Variants in TGM6 observed in about 807,000 individuals in gnomAD.
The protein encoded by TGM6 is transglutaminase 6, also known as protein-glutamine gamma-glutamyltransferase 6.
A neutral mutation model predicts 77.5 loss-of-function variants in TGM6; 74 were observed. The observed-to-expected ratio is 0.96, with a 90% CI of 0.79 to 1.16. The LOEUF (loss-of-function observed/expected upper bound fraction) is 1.16. TGM6 is among the 50% of genes most tolerant of loss of function. TGM6 has a pLI of 0.00. For synonymous variants in TGM6, 383 were observed against 378.9 expected (o/e 1.01, Z -0.12); for missense variants, 968 against 940.2 (o/e 1.03, Z -0.39).
At chr20:2,383,682 G>A (rs2084571312) in intron 1 of TGM6, among the ~76,000 whole-genome samples, 1 of 152,194 alleles carries the variant, frequency 6.6e-6, no homozygotes, top group Non-Finnish European at 1.5e-5. Context: ...CTCTGAAGCT[G>A]TTGGGGCCAT....
At chr20:2,398,508 G>T (rs1204796549) in intron 5 of TGM6, among the ~76,000 whole-genome samples, 1 of 150,696 alleles carries the variant, frequency 6.6e-6, no homozygotes, top group African/African-American at 2.4e-5. Context: ...ACCTTTCCAT[G>T]TGGCTAGCTT....
At chr20:2,407,035 A>T (rs1437672829) in intron 9 of TGM6, among the ~76,000 whole-genome samples, 2 of 152,022 alleles carry the variant, frequency 1.3e-5, no homozygotes, top group Non-Finnish European at 2.9e-5. Flanking sequence ...CACTAGTACA[A>T]AGTTTATTTT....
At chr20:2,395,947 A>G (rs949510506) in intron 3 of TGM6, among the ~76,000 whole-genome samples, 2 of 152,110 alleles carry the variant, frequency 1.3e-5, no homozygotes, top group African/African-American at 2.4e-5. Context: ...TTGGGATGCC[A>G]AGGCAGGGGG....
Position 2,413,637 on chromosome 20 carries a change from A to G in TGM6, c.1337-3595A>G, listed in dbSNP as rs368423358. Among the ~76,000 whole-genome samples the G allele has an allele frequency of 3.3e-5, 5 of 152,324 alleles. No homozygotes were observed. In the South Asian group the frequency reaches 6.2e-4, roughly 19 times the overall value. ...TGTTGGGACCACTGTACATCCCCAC[A>G]TGCAAAAGAATGAAGTTGTTATACC... On this transcript the variant is annotated intron_variant, in intron 9 of 12. Coordinates refer to ENST00000202625, the MANE Select transcript of TGM6 (RefSeq NM_198994.3).
At chr20:2,407,328 C>A (rs1324740713) in intron 9 of TGM6, among the ~76,000 whole-genome samples, 1 of 152,110 alleles carries the variant, frequency 6.6e-6, no homozygotes, top group Admixed American at 6.5e-5. Context: ...ATTTTAAAAT[C>A]ATTTTATGAG....
intron 9 of TGM6, among the ~76,000 whole-genome samples, chr20:2,408,419 T>G (rs2084765638): frequency 6.6e-6 from 1 of 152,216 alleles, no homozygotes; most frequent in South Asian, 2.1e-4. Flanking sequence ...GACTTCCTTC[T>G]AAGCACATAT....
intron 10 of TGM6, among the ~76,000 whole-genome samples, chr20:2,429,759 C>A (rs1325843274): frequency 2.0e-5 from 3 of 151,138 alleles, no homozygotes; most frequent in Admixed American, 1.3e-4. Context: ...CAGAGCGAGA[C>A]TCCGTCTCCA....
intron 9 of TGM6, among the ~76,000 whole-genome samples, chr20:2,406,492 CAA>C (rs10626077): frequency 1.8e-4 from 23 of 131,002 alleles, no homozygotes; most frequent in South Asian, 2.5e-4. Context: ...GACCCTGTCT[CAA>C]AAAAAAAAAA....
intron 11 of TGM6, 60 bp from the exon 12 acceptor site, chr20:2,430,834 A>T (rs2084919020): frequency 1.2e-6 from 2 of 1,613,716 alleles, no homozygotes; most frequent in Non-Finnish European, 1.7e-6. Context: ...AGCCAGGACC[A>T]TCGGTTTCCT....
chr20:2,424,969 T>A (rs950247792), intron 10 of TGM6, among the ~76,000 whole-genome samples: 1 of 152,180 alleles, frequency 6.6e-6, no homozygotes, highest in Non-Finnish European at 1.5e-5. Context: ...TGACATTTTT[T>A]AATTAAGTTC....
rs1177911313 is a variant in TGM6 at position 2,399,807 on chromosome 20, A to G, written c.850+69A>G. ...TTCCTCTATCTAAATGTATTTACATATATTTGCATATGCTGCAACCCATCT... is the reference window on the plus strand; with the variant it reads ...TTCCTCTATCTAAATGTATTTACATGTATTTGCATATGCTGCAACCCATCT... On this transcript the variant is annotated intron_variant, in intron 6 of 12. Transcript: ENST00000202625. The G allele has an allele frequency of 1.0e-5, 14 of 1,359,430 alleles. No homozygotes were observed. The Admixed American group carries it at 2.8e-4, about 27-fold the overall frequency. The allele number at this position is 1,359,430 out of a possible 1,614,324, so 84.2% of individuals were successfully genotyped here.
chr20:2,413,019 G>A (rs1343907714), intron 9 of TGM6, among the ~76,000 whole-genome samples: 3 of 152,058 alleles, frequency 2.0e-5, no homozygotes, highest in Non-Finnish European at 4.4e-5. Context: ...CCCCAAATTA[G>A]CAACCTGATC....
At chr20:2,395,861 G>A (rs1172567504) in intron 3 of TGM6, among the ~76,000 whole-genome samples, 1 of 152,200 alleles carries the variant, frequency 6.6e-6, no homozygotes, top group East Asian at 1.9e-4. Flanking sequence ...AGTAAGGGGT[G>A]GCCAGGATCA....
At chr20:2,429,618 A>C (rs970017686) in intron 10 of TGM6, among the ~76,000 whole-genome samples, 1 of 152,030 alleles carries the variant, frequency 6.6e-6, no homozygotes, top group Admixed American at 6.5e-5. Flanking sequence ...AGAATACAAA[A>C]ATTAGCTGGG....
In TGM6 at chr20:2,431,029, T is replaced by C. The variant is rs768139721; in HGVS notation, c.1967+2T>C. The C allele has an allele frequency of 1.2e-6, 2 of 1,613,570 alleles. No homozygotes were observed. The highest frequency in any genetic ancestry group is 3.3e-5 in the Admixed American group (2 of 59,986). On this transcript the variant is annotated splice_donor_variant, in intron 12 of 12. Transcript: ENST00000202625. LOFTEE classifies it high-confidence loss of function. ...TCTCCAGGAACAGCTCAGCATCGAG[T>C]AAGTGCCAGCCTGGGGGGCTGGCAG...
In TGM6 at chr20:2,432,603, T is replaced by G. The variant is rs1157886449; in HGVS notation, c.2081T>G (p.Ile694Ser). Residue 694 changes from isoleucine to serine, a missense_variant, in exon 13 of 13, where the codon ATC becomes AGC. Physicochemically the swap from Ile to Ser is moderately radical, Grantham distance 142 (BLOSUM62 -2). Transcript: ENST00000202625. Reference protein sequence around the residue: ...VDLVSPHFPDIKGFVIVHVAT... With the variant: ...VDLVSPHFPDSKGFVIVHVAT... ...CTTGTAAGCCCTCACTTCCCGGACA[T>G]CAAGGGCTTTGTGATCGTCCATGTG... The G allele has an allele frequency of 1.2e-6, 2 of 1,613,974 alleles. No individual in the cohort carries two copies. Among genetic ancestry groups the G allele is most frequent in the Admixed American group, 1.7e-5 (1 of 59,986 alleles).
chr20:2,428,555 C>G (rs181783433), intron 10 of TGM6, among the ~76,000 whole-genome samples: 9 of 152,190 alleles, frequency 5.9e-5, no homozygotes, highest in African/African-American at 2.2e-4. Context: ...GGTCTATCAC[C>G]ATGCAAGGAG....
Position 2,406,907 on chromosome 20 carries a change from C to T in TGM6, c.1336+3084C>T, listed in dbSNP as rs956771285. Among the ~76,000 whole-genome samples the T allele has an allele frequency of 8.3e-5, 11 of 131,756 alleles. No homozygotes were observed. The Admixed American group carries it at 8.6e-4, about 10-fold the overall frequency. The allele number at this position is 131,756 out of a possible 152,430, so 86.4% of individuals were successfully genotyped here. Reference sequence around the variant, plus strand: ...AAATTAACATCCTGTTACATGATAACAGTGATGACAATCACTGTTACTGAG... The same window carrying T: ...AAATTAACATCCTGTTACATGATAATAGTGATGACAATCACTGTTACTGAG... On this transcript the variant is annotated intron_variant, in intron 9 of 12. Transcript: ENST00000202625.
chr20:2,423,727 G>A (rs1186437513), intron 10 of TGM6, among the ~76,000 whole-genome samples: 3 of 152,146 alleles, frequency 2.0e-5, no homozygotes, highest in African/African-American at 7.2e-5. Flanking sequence ...TTTCCAGAAG[G>A]TTTTCAATTG....
Sources: allele counts gnomAD v4.1 joint callset (sites outside exome capture counted in the v4.1 genomes callset), GRCh38; gene constraint gnomAD v4.1.1; transcripts MANE v1.5; gene names NCBI Gene and HGNC (gene_info 2026-07-23, HGNC 2026-07-21).